Variants in RLN2 observed in about 807,000 individuals in gnomAD.
The protein encoded by RLN2 is relaxin 2.
A neutral mutation model predicts 7.3 loss-of-function variants in RLN2; 10 were observed. The observed-to-expected ratio is 1.36, with a 90% CI of 0.84 to 2.31. The LOEUF (loss-of-function observed/expected upper bound fraction) is 2.31, where lower values mean the gene tolerates loss of function less well. Among genes scored for constraint, RLN2 ranks in the 30% most tolerant of loss-of-function variants. The pLI is 0.00. For synonymous variants in RLN2, 103 were observed against 82.3 expected, an observed-to-expected ratio of 1.25 and a Z score of -1.36; for missense variants, 298 against 217.6, an observed-to-expected ratio of 1.37 and a Z score of -2.32.
At chr9:5,336,076 G>C in the RLN2 span, among the ~76,000 whole-genome samples, 2 of 151,912 alleles carry the variant, frequency 1.3e-5, no homozygotes, top group Non-Finnish European at 2.9e-5. Flanking sequence ...TTTCGTGGTG[G>C]GAATTTACTC....
intron 1 of RLN2, 103 bp from the exon 2 acceptor site, chr9:5,300,547 T>C: frequency 1.4e-6 from 1 of 728,330 alleles, no homozygotes; most frequent in Admixed American, 3.0e-5. Context: ...ATTGCCTCAG[T>C]ATAAATTAAA....
chr9:5,306,842 G>C (rs1025865430), upstream of RLN2, among the ~76,000 whole-genome samples: 1 of 152,038 alleles, frequency 6.6e-6, no homozygotes, highest in African/African-American at 2.4e-5. Context: ...AGGAACATTC[G>C]AGGCTGTAAG....
chr9:5,325,426 G>A, the RLN2 span, among the ~76,000 whole-genome samples: 1 of 152,006 alleles, frequency 6.6e-6, no homozygotes, highest in African/African-American at 2.4e-5. Context: ...ATTTTGTTTT[G>A]CATGGCACTC....
At chr9:5,328,737 G>C in the RLN2 span, among the ~76,000 whole-genome samples, 3 of 147,838 alleles carry the variant, frequency 2.0e-5, no homozygotes, top group African/African-American at 7.7e-5. Context: ...ACAAGCCAGA[G>C]GAGAGCGGGG....
the RLN2 span, among the ~76,000 whole-genome samples, chr9:5,320,607 G>T: frequency 3.2e-4 from 48 of 151,990 alleles, no homozygotes; most frequent in East Asian, 9.1e-3. Context: ...CTGACCTCAG[G>T]GGATCCGCCC....
At chr9:5,326,892 G>A in the RLN2 span, among the ~76,000 whole-genome samples, 1 of 151,890 alleles carries the variant, frequency 6.6e-6, no homozygotes, top group Non-Finnish European at 1.5e-5. Context: ...AAATGAGGAA[G>A]GGGCATTAAA....
At chr9:5,331,747 C>G in the RLN2 span, among the ~76,000 whole-genome samples, 1 of 151,984 alleles carries the variant, frequency 6.6e-6, no homozygotes, top group African/African-American at 2.4e-5. Context: ...GGCAAACCAA[C>G]ATGGCACATA....
chr9:5,302,683 T>C (rs1816174949), intron 1 of RLN2, among the ~76,000 whole-genome samples: 1 of 152,192 alleles, frequency 6.6e-6, no homozygotes, highest in Admixed American at 6.5e-5. Context: ...CAAATGTGCT[T>C]AATGAAGTAT....
the RLN2 span, among the ~76,000 whole-genome samples, chr9:5,330,336 C>T: frequency 6.6e-6 from 1 of 151,852 alleles, no homozygotes. Flanking sequence ...ACTCTAACAT[C>T]ACAATTAAAA....
At chr9:5,335,088 ACAAT>A in the RLN2 span, 1 of 509,286 alleles carries the variant, frequency 2.0e-6, no homozygotes, top group Non-Finnish European at 3.4e-6. Flanking sequence ...TACAGAAACT[ACAAT>A]CATACAAAGA....
upstream of RLN2, among the ~76,000 whole-genome samples, chr9:5,307,772 A>G (rs780967778): frequency 1.3e-5 from 2 of 152,050 alleles, no homozygotes; most frequent in Non-Finnish European, 2.9e-5. Context: ...GAGCTTCTAC[A>G]GCCCCATATT....
chr9:5,302,065 T>C (rs1014829175), intron 1 of RLN2, among the ~76,000 whole-genome samples: 1 of 152,204 alleles, frequency 6.6e-6, no homozygotes, highest in African/African-American at 2.4e-5. Flanking sequence ...TGAAAGAAGC[T>C]GATGGTAATT....
the RLN2 span, among the ~76,000 whole-genome samples, chr9:5,334,297 T>A: frequency 1.5e-4 from 23 of 151,980 alleles, no homozygotes; most frequent in African/African-American, 5.3e-4. Flanking sequence ...GCTTCTTAAG[T>A]TGAGAAGCAA....
intron 1 of RLN2, among the ~76,000 whole-genome samples, chr9:5,302,794 G>T (rs471225): frequency 6.6e-6 from 1 of 152,162 alleles, no homozygotes; most frequent in East Asian, 1.9e-4. Context: ...ATTTCAAATT[G>T]TGTTTTGGGA....
At chr9:5,312,877 T>A in the RLN2 span, among the ~76,000 whole-genome samples, 12 of 152,096 alleles carry the variant, frequency 7.9e-5, no homozygotes, top group African/African-American at 2.9e-4. Context: ...TTTTGAATGT[T>A]CTGCAATTCC....
In RLN2 at chr9:5,300,401, A is replaced by G. The variant is rs201741971; in HGVS notation, c.255T>C (p.Asn85=). 10 of 1,610,484 alleles carry G rather than the reference A, an allele frequency of 6.2e-6. No homozygotes were observed. The South Asian group carries it at 1.1e-4, about 18-fold the overall frequency. The change falls in exon 2 of 2, where the codon AAT becomes AAC. Residue 85 remains asparagine (N), a synonymous_variant. Coordinates refer to ENST00000381627, the MANE Select transcript of RLN2 (RefSeq NM_134441.3). ...SFINKDTETI[N]MMSEFVANLP... is the part of the protein sequence containing the mutation. Reference sequence around the variant, plus strand: ...AATTAGCAACAAATTCTGACATCATATTTATGGTTTCTGTATCTTTGTTGA... The same window carrying G: ...AATTAGCAACAAATTCTGACATCATGTTTATGGTTTCTGTATCTTTGTTGA...
intron 1 of RLN2, among the ~76,000 whole-genome samples, chr9:5,302,382 T>C (rs1329397875): frequency 2.6e-5 from 4 of 152,352 alleles, no homozygotes; most frequent in East Asian, 3.9e-4. Flanking sequence ...TTTTAGCACA[T>C]ATTGTAGGAT....
At chr9:5,319,981 C>G in the RLN2 span, among the ~76,000 whole-genome samples, 1 of 139,228 alleles carries the variant, frequency 7.2e-6, no homozygotes, top group African/African-American at 2.6e-5. Context: ...ATCCTCTAAG[C>G]TAACACTTTT....
chr9:5,324,900 A>C, the RLN2 span, among the ~76,000 whole-genome samples: 1 of 152,060 alleles, frequency 6.6e-6, no homozygotes, highest in South Asian at 2.1e-4. Context: ...ACTGCTATTC[A>C]GCCATATGAT....
Sources: allele counts gnomAD v4.1 joint callset (sites outside exome capture counted in the v4.1 genomes callset), GRCh38; gene constraint gnomAD v4.1.1; transcripts MANE v1.5; gene names NCBI Gene and HGNC (gene_info 2026-07-23, HGNC 2026-07-21).